GSE1: variants seen among roughly 807,000 people sequenced by gnomAD.
GSE1 encodes the protein Gse1 coiled-coil protein, also known as genetic suppressor element 1.
GSE1 carries 32 observed loss-of-function variants against 112.6 expected under a neutral mutation model. That is an observed-to-expected ratio of 0.28 (90% CI 0.21 to 0.38). The LOEUF (loss-of-function observed/expected upper bound fraction) is 0.38. Ranked by LOEUF, GSE1 falls within the 10% of genes least tolerant of loss-of-function variation. The pLI is 1.00. For synonymous variants in GSE1, 1,115 were observed against 735.6 expected, an observed-to-expected ratio of 1.52 and a Z score of -8.35; for missense variants, 2,348 against 1,699.2, an observed-to-expected ratio of 1.38 and a Z score of -6.71.
chr16:85,524,915 G>A (rs941374108), intron 2 of GSE1, among the ~76,000 whole-genome samples: 2 of 152,192 alleles, frequency 1.3e-5, no homozygotes, highest in African/African-American at 4.8e-5. Context: ...AGGCCATGGA[G>A]GCTGCCATTA....
chr16:85,417,669 G>T (rs915928931), intron 2 of GSE1, among the ~76,000 whole-genome samples: 2 of 152,254 alleles, frequency 1.3e-5, no homozygotes, highest in African/African-American at 4.8e-5. Flanking sequence ...CCCAAGGCCA[G>T]TGGGAGAGGA....
chr16:85,485,514 C>T (rs2050805250), intron 2 of GSE1, among the ~76,000 whole-genome samples: 1 of 152,254 alleles, frequency 6.6e-6, no homozygotes, highest in Non-Finnish European at 1.5e-5. Flanking sequence ...CGCCTGCCGC[C>T]TGCCGTTCTG....
At chr16:85,284,569 G>A (rs1033798813) in intron 1 of GSE1, among the ~76,000 whole-genome samples, 2 of 152,202 alleles carry the variant, frequency 1.3e-5, no homozygotes, top group Non-Finnish European at 2.9e-5. Context: ...CTGGGTTGAC[G>A]ATTCTCGGGA....
At chr16:85,399,331 G>C (rs983812254) in intron 2 of GSE1, among the ~76,000 whole-genome samples, 3 of 152,210 alleles carry the variant, frequency 2.0e-5, no homozygotes, top group Non-Finnish European at 2.9e-5. Context: ...CCCTCTGCAC[G>C]TGGAAAGGTG....
intron 1 of GSE1, among the ~76,000 whole-genome samples, chr16:85,322,836 G>A (rs1411396508): frequency 1.3e-5 from 2 of 151,948 alleles, no homozygotes; most frequent in African/African-American, 4.8e-5. Flanking sequence ...GGCTGGTCTC[G>A]AACTTCTGAC....
chr16:85,314,118 T>TGA lies in GSE1; in HGVS notation c.2284-43344_2284-43343dup, dbSNP rs2045932481. ...TGACACAGCTCTGTGTGTGTGTGTG[T>TGA]GACACAGCCTAGCTCAGAGAAGGGC... On this transcript the variant is annotated intron_variant, in intron 1 of 2. Coordinates refer to the GSE1 transcript ENST00000637419. Among the ~76,000 whole-genome samples, 3 of 152,182 alleles carry TGA rather than the reference T, an allele frequency of 2.0e-5. No individual in the cohort carries two copies. In the South Asian group the frequency reaches 6.2e-4, roughly 32 times the overall value.
chr16:85,659,874 A>T (rs1363684102), intron 8 of GSE1, among the ~76,000 whole-genome samples: 1 of 152,190 alleles, frequency 6.6e-6, no homozygotes, highest in Non-Finnish European at 1.5e-5. Flanking sequence ...AGACACTTTG[A>T]GGCCTCTGCC....
intron 2 of GSE1, among the ~76,000 whole-genome samples, chr16:85,499,380 G>T (rs56229722): frequency 0.35 from 49,879 of 143,772 alleles, 9,071 homozygotes; most frequent in Middle Eastern, 0.41. Flanking sequence ...GCGTGATCTC[G>T]GCTCACTGCA....
At chr16:85,314,525 T>G (rs1272817137) in intron 1 of GSE1, among the ~76,000 whole-genome samples, 2 of 152,154 alleles carry the variant, frequency 1.3e-5, no homozygotes, top group Admixed American at 6.5e-5. Context: ...CCTACACGTG[T>G]GTGCACACAT....
At chr16:85,200,327 T>A (rs541184201) in intron 1 of GSE1, among the ~76,000 whole-genome samples, 4 of 151,852 alleles carry the variant, frequency 2.6e-5, no homozygotes, top group African/African-American at 9.7e-5. Context: ...CTCACCTTTA[T>A]CTAGTAATCA....
rs554255039 is a variant in GSE1, at chr16:85,497,477, G to A, written c.2465-136437G>A. Among the ~76,000 whole-genome samples, 15 of 152,292 alleles carry A rather than the reference G, an allele frequency of 9.8e-5. No homozygotes were observed. In the South Asian group the frequency reaches 1.7e-3, roughly 17 times the overall value. On this transcript the variant is annotated intron_variant, in intron 2 of 2. Transcript: ENST00000637419. ...CAAGGTCGTGTGCGTGAATTCTTCA[G>A]CCCAGTGCCCAGCACAGGGTCACGG... is the stretch of plus-strand genomic sequence containing the variant.
rs979361044 is a variant in GSE1 at position 85,656,713 on chromosome 16, C to T, written c.1312+48C>T. On this transcript the variant is annotated intron_variant, in intron 7 of 15. Transcript: ENST00000253458. ...TGCTGGGCAAGGTCTCAGCCACCCG[C>T]GGGGAGGAGCCCTGAATCGCAGCAC... 41 of 1,447,536 alleles carry T rather than the reference C, an allele frequency of 2.8e-5. 1 individual carries two copies. The East Asian group carries it at 4.0e-4, about 14-fold the overall frequency. 89.7% of individuals were successfully genotyped at this position (1,447,536 alleles called of 1,614,324 possible). A position where few individuals can be genotyped will look rare whatever the true frequency, so the allele number is the denominator to read the frequency against.
intron 1 of GSE1, among the ~76,000 whole-genome samples, chr16:85,248,456 G>A (rs567123508): frequency 6.1e-5 from 9 of 147,368 alleles, no homozygotes; most frequent in East Asian, 4.0e-4. Context: ...TTTCTCTCAC[G>A]CTCCCTCCTT....
At chr16:85,651,067 C>G (rs1225991981) in intron 3 of GSE1, among the ~76,000 whole-genome samples, 2 of 129,838 alleles carry the variant, frequency 1.5e-5, no homozygotes, top group Admixed American at 1.5e-4. Flanking sequence ...CCCTCCCCCT[C>G]CGCCCCTCCT....
chr16:85,675,401 A>C lies in GSE1; in HGVS notation c.*2862A>C, dbSNP rs1390630487. On this transcript the variant is annotated 3_prime_UTR_variant, in exon 16 of 16. Transcript: ENST00000253458. ...ATATAGTCAGAGTCAGACTGACATG[A>C]TAAAATATCATGTTCCTAATCTGTT... 6.6e-6 allele frequency: 1 copy of C among 152,238 alleles called. No homozygotes were observed. The highest frequency in any genetic ancestry group is 1.9e-4 in the East Asian group (1 of 5,196). The allele number at this position is 152,238 out of a possible 1,614,324, so 9.4% of individuals were successfully genotyped here. A position where few individuals can be genotyped will look rare whatever the true frequency, so the allele number is the denominator to read the frequency against.
chr16:85,651,464 C>T lies in GSE1; in HGVS notation c.426+2713C>T, dbSNP rs991143303. 8.5e-5 allele frequency among the ~76,000 whole-genome samples: 13 copies of T among 152,308 alleles called. 1 individual carries two copies. The highest frequency in any genetic ancestry group is 3.1e-4 in the African/African-American group (13 of 41,574). On this transcript the variant is annotated intron_variant, in intron 3 of 15. Coordinates refer to ENST00000253458, the MANE Select transcript of GSE1 (RefSeq NM_014615.5). ...CCAGGCCAGGAAGGTGCCATCTGGC[C>T]TGCGAGCAGGGCTTTGTCCTCGGCT...
intron 2 of GSE1, among the ~76,000 whole-genome samples, chr16:85,508,944 A>G (rs1027453856): frequency 6.6e-6 from 1 of 152,204 alleles, no homozygotes; most frequent in African/African-American, 2.4e-5. Flanking sequence ...GTTGGACAAC[A>G]GCGCTGCTGG....
chr16:85,611,436 C>A, upstream of GSE1: 1 of 983,932 alleles, frequency 1.0e-6, no homozygotes, highest in Non-Finnish European at 1.2e-6. Context: ...TTATAGCGTC[C>A]GGCCAAGGCC....
At chr16:85,470,537 TA>T (rs1247960371) in intron 2 of GSE1, among the ~76,000 whole-genome samples, 1 of 152,214 alleles carries the variant, frequency 6.6e-6, no homozygotes, top group Non-Finnish European at 1.5e-5. Context: ...GTTGGGGTGC[TA>T]AACTCATCTC....
Sources: gnomAD v4.1 joint callset for allele counts (sites outside exome capture counted in the v4.1 genomes callset) on GRCh38, gnomAD v4.1.1 for gene constraint, MANE v1.5 for transcripts, NCBI Gene and HGNC (gene_info 2026-07-23, HGNC 2026-07-21) for gene names.